MYOCD: variants seen among roughly 807,000 people sequenced by gnomAD.
MYOCD encodes myocardin.
Under a neutral mutation model 96.1 loss-of-function variants are expected in MYOCD, and 32 were observed. The observed-to-expected ratio is 0.33, with a 90% CI of 0.25 to 0.45. The LOEUF (loss-of-function observed/expected upper bound fraction) is 0.45, where lower values mean the gene tolerates loss of function less well. MYOCD is among the 20% of genes least tolerant of loss of function. The probability of loss-of-function intolerance (pLI) is 1.00; values close to 1 mark genes in which losing one functional copy is unlikely to be tolerated. For synonymous variants in MYOCD, 469 were observed against 469.0 expected, an observed-to-expected ratio of 1.00 and a Z score of 0.00; for missense variants, 1,133 against 1,200.6, an observed-to-expected ratio of 0.94 and a Z score of 0.83.
chr17:12,718,914 C>G (rs1010853038), intron 4 of MYOCD, among the ~76,000 whole-genome samples: 3 of 152,110 alleles, frequency 2.0e-5, no homozygotes, highest in African/African-American at 7.2e-5. Flanking sequence ...TGGCTCACGC[C>G]TGTAATCCCA....
At chr17:12,675,815 C>T (rs148907705) in intron 1 of MYOCD, among the ~76,000 whole-genome samples, 8,891 of 152,228 alleles carry the variant, frequency 0.058, 353 homozygotes, top group Middle Eastern at 0.13. Context: ...GACGAGATCA[C>T]GCCACTGCAC....
intron 1 of MYOCD, among the ~76,000 whole-genome samples, chr17:12,678,364 G>T (rs1206891417): frequency 6.6e-6 from 1 of 151,666 alleles, no homozygotes; most frequent in Non-Finnish European, 1.5e-5. Context: ...CTCCGGTGAG[G>T]TGTGGTTTTT....
At chr17:12,755,692 T>C (rs2032992635) in intron 10 of MYOCD, among the ~76,000 whole-genome samples, 1 of 152,022 alleles carries the variant, frequency 6.6e-6, no homozygotes, top group Non-Finnish European at 1.5e-5. Context: ...GCCAATATGG[T>C]GAGACCCCAT....
chr17:12,725,442 A>G (rs1193548400), intron 5 of MYOCD, among the ~76,000 whole-genome samples: 1 of 148,584 alleles, frequency 6.7e-6, no homozygotes, highest in Non-Finnish European at 1.5e-5. Flanking sequence ...AAAGTATACT[A>G]TACTATATTA....
At chr17:12,733,861 G>A (rs570396658) in intron 5 of MYOCD, among the ~76,000 whole-genome samples, 10 of 125,608 alleles carry the variant, frequency 8.0e-5, no homozygotes, top group African/African-American at 1.3e-4. Flanking sequence ...GCAAGACTCC[G>A]TCTCAAAAAA....
intron 1 of MYOCD, among the ~76,000 whole-genome samples, chr17:12,703,435 C>A (rs1025631378): frequency 1.3e-5 from 2 of 151,984 alleles, no homozygotes; most frequent in African/African-American, 4.8e-5. Context: ...TCTATTTATT[C>A]CTTTAATTCT....
intron 1 of MYOCD, among the ~76,000 whole-genome samples, chr17:12,672,529 A>G (rs1228342877): frequency 1.3e-5 from 2 of 152,270 alleles, no homozygotes; most frequent in African/African-American, 2.4e-5. Context: ...TTGTTAAAAT[A>G]AAATGTATCA....
At chr17:12,684,776 G>A (rs1188089582) in intron 1 of MYOCD, among the ~76,000 whole-genome samples, 2 of 150,544 alleles carry the variant, frequency 1.3e-5, no homozygotes, top group Non-Finnish European at 3.0e-5. Context: ...AACCTGGGAG[G>A]TGGGGGTTGC....
chr17:12,671,498 T>C (rs903807442), intron 1 of MYOCD, among the ~76,000 whole-genome samples: 4 of 152,210 alleles, frequency 2.6e-5, no homozygotes, highest in Non-Finnish European at 5.9e-5. Flanking sequence ...GTTGTGTCCA[T>C]GTGTTATTAA....
chr17:12,754,095 T>TGTGTGTGTG (rs1555535687), intron 10 of MYOCD, among the ~76,000 whole-genome samples: 1 of 150,770 alleles, frequency 6.6e-6, no homozygotes, highest in Non-Finnish European at 1.5e-5. Flanking sequence ...TGTGTGTGTG[T>TGTGTGTGTG]AGTTTGGAAG....
chr17:12,740,302 G>A (rs1192269980), intron 7 of MYOCD, among the ~76,000 whole-genome samples: 3 of 152,070 alleles, frequency 2.0e-5, no homozygotes, highest in African/African-American at 7.2e-5. Flanking sequence ...ACACAATACG[G>A]AATCTTTTAT....
At chr17:12,738,936 C>G (rs980387749) in intron 6 of MYOCD, among the ~76,000 whole-genome samples, 5 of 144,286 alleles carry the variant, frequency 3.5e-5, no homozygotes, top group African/African-American at 1.3e-4. Context: ...GTGTTCTCAG[C>G]TGGATGATAA....
rs895293961 is a variant in MYOCD, at chr17:12,768,753, G to T, written c.*5109G>T. The T allele has an allele frequency of 4.6e-5, 7 of 152,088 alleles. No individual in the cohort carries two copies. The highest frequency in any genetic ancestry group is 1.7e-4 in the African/African-American group (7 of 41,412). The allele number at this position is 152,088 out of a possible 1,614,324, so 9.4% of individuals were successfully genotyped here. A position where few individuals can be genotyped will look rare whatever the true frequency, so the allele number is the denominator to read the frequency against. On this transcript the variant is annotated 3_prime_UTR_variant, in exon 14 of 14. Transcript: ENST00000425538. Reference sequence around the variant, plus strand: ...TGTAAAGAAAAAAAGAGCAAGCATAGGTTCTCTGTGGGACCTTGTGGAGTG... The same window carrying T: ...TGTAAAGAAAAAAAGAGCAAGCATATGTTCTCTGTGGGACCTTGTGGAGTG...
At chr17:12,719,017 T>C (rs1300728240) in intron 4 of MYOCD, among the ~76,000 whole-genome samples, 7 of 150,502 alleles carry the variant, frequency 4.7e-5, no homozygotes, top group African/African-American at 1.5e-4. Flanking sequence ...CTACTAAATA[T>C]ACAAAAACTT....
At chr17:12,736,697 G>A (rs1407401036) in intron 6 of MYOCD, among the ~76,000 whole-genome samples, 3 of 152,182 alleles carry the variant, frequency 2.0e-5, no homozygotes, top group African/African-American at 7.2e-5. Flanking sequence ...TGCCAGAGCA[G>A]GACTGATTCA....
At chr17:12,669,650 G>A (rs1046966123) in intron 1 of MYOCD, among the ~76,000 whole-genome samples, 4 of 151,520 alleles carry the variant, frequency 2.6e-5, no homozygotes, top group African/African-American at 4.9e-5. Flanking sequence ...ACGGAGTCTC[G>A]CTCTGTTGCC....
In MYOCD at chr17:12,722,946, C is replaced by T; in HGVS notation, c.353C>T (p.Pro118Leu). ...LNEKIALRPG[P>L]LELVEKNILP... ...GAAAAAATTGCTCTACGACCAGGGC[C>T]ACTGGAGCTGGTGGAAAAAAACATT... Residue 118 changes from proline (P) to leucine (L), a missense_variant, in exon 5 of 14, where the codon CCA (proline) becomes CTA (leucine). Coordinates refer to ENST00000425538, the MANE Select transcript of MYOCD (RefSeq NM_001146312.3). 6.2e-7 allele frequency: 1 copy of T among 1,614,006 alleles called. No homozygotes were observed. The highest frequency in any genetic ancestry group is 8.5e-7 in the Non-Finnish European group (1 of 1,179,978).
At chr17:12,720,016 T>C (rs1458266399) in intron 4 of MYOCD, among the ~76,000 whole-genome samples, 1 of 152,108 alleles carries the variant, frequency 6.6e-6, no homozygotes, top group African/African-American at 2.4e-5. Context: ...AGCTTTTATA[T>C]GTAAATGTCG....
intron 1 of MYOCD, among the ~76,000 whole-genome samples, chr17:12,695,520 C>T (rs1292238088): frequency 1.3e-5 from 2 of 152,212 alleles, no homozygotes; most frequent in East Asian, 3.8e-4. Flanking sequence ...CTGCATTAAG[C>T]TCATATTGTT....
Sources: gnomAD v4.1 joint callset for allele counts (sites outside exome capture counted in the v4.1 genomes callset) on GRCh38, gnomAD v4.1.1 for gene constraint, MANE v1.5 for transcripts, NCBI Gene and HGNC (gene_info 2026-07-23, HGNC 2026-07-21) for gene names.